KAT6B: variants seen among roughly 807,000 people sequenced by gnomAD.
KAT6B encodes histone acetyltransferase KAT6B.
In KAT6B, 10 loss-of-function variants were observed where a neutral mutation model predicts 187.5. That is an observed-to-expected ratio of 0.05 (90% CI 0.03 to 0.09). The LOEUF (loss-of-function observed/expected upper bound fraction) is 0.09, where lower values mean the gene tolerates loss of function less well. KAT6B is among the 10% of genes least tolerant of loss of function. KAT6B has a pLI of 1.00. For synonymous variants in KAT6B, 861 were observed against 926.8 expected (o/e 0.93, Z 1.29); for missense variants, 1,952 against 2,558.9 (o/e 0.76, Z 5.12).
Position 74,975,381 on chromosome 10 carries a change from C to T in KAT6B, c.1062-18C>T. On this transcript the variant is annotated intron_variant, in intron 7 of 17. Transcript: ENST00000287239. The stretch of plus-strand genomic sequence containing the variant: ...CTATTTATTAAATGCTGATACTATT[C>T]TCTAAATTTCTGCCTAGGTCTGTAA... 1 of 1,602,106 alleles carries T rather than the reference C, an allele frequency of 6.2e-7. No homozygotes were observed.
upstream of KAT6B, chr10:74,825,554 G>T: frequency 6.3e-6 from 1 of 158,884 alleles, no homozygotes; most frequent in Non-Finnish European, 1.4e-5. The surrounding 1 kb of genome is among the most constrained non-coding windows in gnomAD (Gnocchi z 5.0). Flanking sequence ...CGGGCGGGGG[G>T]AGCGCGGCGC....
intron 3 of KAT6B, among the ~76,000 whole-genome samples, chr10:74,919,490 T>C (rs965984024): frequency 1.3e-5 from 2 of 152,052 alleles, no homozygotes; most frequent in Non-Finnish European, 2.9e-5. Flanking sequence ...AACCTCTGCC[T>C]CCTGGGTTCA....
intron 3 of KAT6B, among the ~76,000 whole-genome samples, chr10:74,856,912 A>T (rs1360195933): frequency 6.6e-6 from 1 of 152,178 alleles, no homozygotes; most frequent in African/African-American, 2.4e-5. Flanking sequence ...AAAAGAAAAA[A>T]GAAAAGAAAA....
chr10:74,942,208 C>T (rs1849723714), intron 3 of KAT6B, among the ~76,000 whole-genome samples: 1 of 151,926 alleles, frequency 6.6e-6, no homozygotes, highest in South Asian at 2.1e-4. Context: ...ATGGAACATT[C>T]CTCATGAACA....
chr10:74,873,375 G>A (rs1844154522), intron 3 of KAT6B, among the ~76,000 whole-genome samples: 1 of 151,740 alleles, frequency 6.6e-6, no homozygotes, highest in South Asian at 2.1e-4. Flanking sequence ...TGAGGCAGGA[G>A]GATCGCTTGA....
At chr10:74,966,890 C>G (rs1030597123) in intron 4 of KAT6B, among the ~76,000 whole-genome samples, 1 of 152,040 alleles carries the variant, frequency 6.6e-6, no homozygotes, top group Non-Finnish European at 1.5e-5. Context: ...ATTAGCCGGG[C>G]TTGGTGATGC....
At chr10:74,950,983 G>T (rs1377867388) in intron 3 of KAT6B, among the ~76,000 whole-genome samples, 1 of 151,788 alleles carries the variant, frequency 6.6e-6, no homozygotes, top group African/African-American at 2.4e-5. Flanking sequence ...AGTCTCAAAA[G>T]CTTGTCTCAA....
chr10:74,919,505 A>G (rs887712410), intron 3 of KAT6B, among the ~76,000 whole-genome samples: 2 of 151,936 alleles, frequency 1.3e-5, no homozygotes, highest in South Asian at 2.1e-4. Context: ...GGTTCAAGCT[A>G]TCCTCCCACC....
chr10:74,949,688 G>A (rs1294026207), intron 3 of KAT6B, among the ~76,000 whole-genome samples: 1 of 151,880 alleles, frequency 6.6e-6, no homozygotes, highest in Non-Finnish European at 1.5e-5. Flanking sequence ...GTCTTACTCC[G>A]TTATGGCTAA....
At chr10:74,970,130 A>G (rs1841750920) in intron 6 of KAT6B, 29 bp downstream of exon 6, 1 of 1,501,270 alleles carries the variant, frequency 6.7e-7, no homozygotes, top group Non-Finnish European at 9.3e-7. Flanking sequence ...CTAAAAATGT[A>G]TTTTATTACA....
chr10:74,932,642 A>G (rs1288851811), intron 3 of KAT6B, among the ~76,000 whole-genome samples: 1 of 152,202 alleles, frequency 6.6e-6, no homozygotes, highest in African/African-American at 2.4e-5. Flanking sequence ...AAATGAGGGA[A>G]TGGGGGGCCA....
rs2131874146 is a variant in KAT6B, at chr10:74,826,642, A to G, written c.-472A>G. ...ATGTCAACGACAACAACAGGGGGACACAAAATGGCGGCGGCTTAGCTCCTA... is the reference window on the plus strand; with the variant it reads ...ATGTCAACGACAACAACAGGGGGACGCAAAATGGCGGCGGCTTAGCTCCTA... On this transcript the variant is annotated 5_prime_UTR_variant, in exon 1 of 18. Coordinates refer to ENST00000287239, the MANE Select transcript of KAT6B (RefSeq NM_012330.4). The G allele has an allele frequency of 6.5e-6, 1 of 153,750 alleles. No homozygotes were observed. Among genetic ancestry groups the G allele is most frequent in the Non-Finnish European group, 1.5e-5 (1 of 68,270 alleles). 9.5% of individuals were successfully genotyped at this position (153,750 alleles called of 1,614,324 possible).
At chr10:74,932,468 C>T (rs1053039820) in intron 3 of KAT6B, among the ~76,000 whole-genome samples, 5 of 151,908 alleles carry the variant, frequency 3.3e-5, no homozygotes, top group South Asian at 2.1e-4. Context: ...CTCCTTTACC[C>T]CATGCCTGGT....
intron 3 of KAT6B, among the ~76,000 whole-genome samples, chr10:74,923,184 A>G (rs1848261845): frequency 6.6e-6 from 1 of 152,250 alleles, no homozygotes; most frequent in Non-Finnish European, 1.5e-5. Flanking sequence ...TCAATGAGTC[A>G]TGGGCAAACA....
intron 13 of KAT6B, among the ~76,000 whole-genome samples, chr10:75,003,908 C>G (rs1015085417): frequency 3.9e-5 from 6 of 152,034 alleles, no homozygotes; most frequent in African/African-American, 1.5e-4. Flanking sequence ...ATAAATAGCT[C>G]TTATAGAATA....
intron 3 of KAT6B, among the ~76,000 whole-genome samples, chr10:74,934,977 C>T (rs1849137094): frequency 6.6e-6 from 1 of 152,226 alleles, no homozygotes; most frequent in Admixed American, 6.5e-5. Flanking sequence ...ATTTAGAGAT[C>T]CACACAGGGG....
At position 75,031,780 on chromosome 10, in the gene KAT6B, T is replaced by C. The variant is rs1589850504; in HGVS notation, c.*734T>C. ...TGGGGAAAAAAGGCAGCTTTCTGTT[T>C]TATAAATGCAGACTTCTGTTTATTG... On this transcript the variant is annotated 3_prime_UTR_variant, in exon 18 of 18. Coordinates refer to ENST00000287239, the MANE Select transcript of KAT6B (RefSeq NM_012330.4). 4.8e-6 allele frequency: 1 copy of C among 208,054 alleles called. No homozygotes were observed. The highest frequency in any genetic ancestry group is 7.4e-5 in the East Asian group (1 of 13,546). 12.9% of individuals were successfully genotyped at this position (208,054 alleles called of 1,614,324 possible). A position where few individuals can be genotyped will look rare whatever the true frequency, so the allele number is the denominator to read the frequency against.
At chr10:74,941,480 A>G (rs1288227654) in intron 3 of KAT6B, among the ~76,000 whole-genome samples, 1 of 152,226 alleles carries the variant, frequency 6.6e-6, no homozygotes. Flanking sequence ...AGTAACAGGA[A>G]TGGGAGAGGA....
chr10:74,927,406 G>A (rs570300191), intron 3 of KAT6B, among the ~76,000 whole-genome samples: 2 of 151,054 alleles, frequency 1.3e-5, no homozygotes, highest in African/African-American at 4.9e-5. Flanking sequence ...CATCGGCCCA[G>A]CAGGAGGTGC....
Sources: gnomAD v4.1 joint callset for allele counts (sites outside exome capture counted in the v4.1 genomes callset) on GRCh38, gnomAD v4.1.1 for gene constraint, Gnocchi (gnomAD v3.1) non-coding constraint, MANE v1.5 for transcripts, NCBI Gene and HGNC (gene_info 2026-07-23, HGNC 2026-07-21) for gene names.